Variants in RAD51B observed in about 807,000 individuals in gnomAD.
RAD51B encodes the protein DNA repair protein RAD51 homolog 2.
In RAD51B, 38 loss-of-function variants were observed where a neutral mutation model predicts 42.2. The ratio of observed to expected loss-of-function variants is 0.90; its 90% CI spans 0.70 to 1.18. The LOEUF (loss-of-function observed/expected upper bound fraction) is 1.18, where lower values mean the gene tolerates loss of function less well. Ranked by LOEUF, RAD51B falls within the 50% of genes most tolerant of loss-of-function variation. RAD51B has a pLI of 0.00. For synonymous variants in RAD51B, 154 were observed against 145.2 expected (o/e 1.06, Z -0.43); for missense variants, 373 against 400.7 (o/e 0.93, Z 0.59).
intron 9 of RAD51B, among the ~76,000 whole-genome samples, chr14:68,450,344 G>A (rs929267829): frequency 2.7e-5 from 4 of 150,830 alleles, no homozygotes; most frequent in South Asian, 2.1e-4. Context: ...TCAGCGTCTC[G>A]AGTAGCTGGG....
intron 8 of RAD51B, among the ~76,000 whole-genome samples, chr14:68,389,315 C>T (rs1386406068): frequency 6.6e-6 from 1 of 151,402 alleles, no homozygotes; most frequent in East Asian, 1.9e-4. Flanking sequence ...TAACTAACTA[C>T]TATCTGGACT....
At chr14:68,035,749 G>A (rs568056117) in intron 7 of RAD51B, among the ~76,000 whole-genome samples, 81 of 152,310 alleles carry the variant, frequency 5.3e-4, no homozygotes, top group Non-Finnish European at 8.2e-4. Flanking sequence ...AAAGAGGCCT[G>A]AAGACTATTT....
At chr14:68,587,402 G>A (rs892111673) in intron 10 of RAD51B, among the ~76,000 whole-genome samples, 2 of 152,086 alleles carry the variant, frequency 1.3e-5, no homozygotes, top group Non-Finnish European at 2.9e-5. Flanking sequence ...TTACGAGCTG[G>A]AGAAGATCCC....
At chr14:68,028,232 T>G (rs796361870) in intron 7 of RAD51B, among the ~76,000 whole-genome samples, 23 of 152,324 alleles carry the variant, frequency 1.5e-4, no homozygotes, top group African/African-American at 5.5e-4. Flanking sequence ...CTGTCACCAG[T>G]ACGTTGGGGA....
intron 9 of RAD51B, among the ~76,000 whole-genome samples, chr14:68,441,913 C>T (rs1259741233): frequency 6.6e-6 from 1 of 152,218 alleles, no homozygotes; most frequent in East Asian, 1.9e-4. Context: ...AACCCTAACA[C>T]TCTGCTCAGT....
chr14:68,430,231 G>A (rs2084965758), intron 9 of RAD51B, among the ~76,000 whole-genome samples: 1 of 152,116 alleles, frequency 6.6e-6, no homozygotes, highest in African/African-American at 2.4e-5. Context: ...GGCAATGTGG[G>A]CTCTTTTTTG....
intron 7 of RAD51B, among the ~76,000 whole-genome samples, chr14:67,979,460 C>T (rs2075052082): frequency 6.6e-6 from 1 of 152,128 alleles, no homozygotes; most frequent in African/African-American, 2.4e-5. Flanking sequence ...AGTTTTCTCC[C>T]TGATTTTCCT....
chr14:68,068,960 C>T lies in RAD51B; in HGVS notation c.756+181756C>T, dbSNP rs2076697804. ...GCAAGTCTTTGGTTAATTTCCAGAG[C>T]TCCAGAAGAATTGATTCTGACAATT... is the stretch of plus-strand genomic sequence containing the variant. On this transcript the variant is annotated intron_variant, in intron 7 of 10. Transcript: ENST00000471583. 2.0e-5 allele frequency among the ~76,000 whole-genome samples: 3 copies of T among 151,976 alleles called. No homozygotes were observed. The South Asian group carries it at 6.2e-4, about 32-fold the overall frequency.
intron 5 of RAD51B, among the ~76,000 whole-genome samples, chr14:67,868,021 G>C (rs1183584974): frequency 6.6e-6 from 1 of 152,170 alleles, no homozygotes; most frequent in Non-Finnish European, 1.5e-5. Flanking sequence ...GAAGGAGAGA[G>C]AAATCAAAGG....
At chr14:68,674,841 G>T (rs148584813) in intron 11 of RAD51B, among the ~76,000 whole-genome samples, 22 of 150,160 alleles carry the variant, frequency 1.5e-4, no homozygotes, top group Non-Finnish European at 2.7e-4. Context: ...GCCATGCTAT[G>T]GTTTCCCAGC....
chr14:68,200,885 T>C (rs1485301639), intron 7 of RAD51B, among the ~76,000 whole-genome samples: 5 of 152,134 alleles, frequency 3.3e-5, no homozygotes, highest in Non-Finnish European at 7.4e-5. Flanking sequence ...CTCAAACTCC[T>C]GGACTCGAGC....
chr14:67,898,362 A>G (rs1266746604), intron 7 of RAD51B, among the ~76,000 whole-genome samples: 1 of 152,256 alleles, frequency 6.6e-6, no homozygotes, highest in African/African-American at 2.4e-5. Context: ...CACTTTTACT[A>G]GTATATGGAA....
At chr14:68,311,464 A>T (rs1195006385) in intron 8 of RAD51B, among the ~76,000 whole-genome samples, 2 of 152,220 alleles carry the variant, frequency 1.3e-5, no homozygotes, top group African/African-American at 4.8e-5. Context: ...TTCCTATTGC[A>T]ATCTTTAAGC....
intron 7 of RAD51B, among the ~76,000 whole-genome samples, chr14:68,182,033 A>G (rs987993587): frequency 2.0e-5 from 3 of 152,228 alleles, no homozygotes; most frequent in African/African-American, 4.8e-5. Context: ...CTAGAGCATC[A>G]TGAGGTGTTT....
At chr14:68,265,424 T>C (rs959030743) in intron 7 of RAD51B, among the ~76,000 whole-genome samples, 10 of 152,138 alleles carry the variant, frequency 6.6e-5, no homozygotes, top group Non-Finnish European at 1.2e-4. Flanking sequence ...TTTAAGATGC[T>C]CCCAGACCAG....
intron 9 of RAD51B, chr14:68,422,001 C>T: frequency 6.5e-7 from 1 of 1,526,956 alleles, no homozygotes. Context: ...ACTTCACAGT[C>T]ACCACCCTGA....
chr14:68,296,330 T>A (rs116737924), intron 8 of RAD51B, among the ~76,000 whole-genome samples: 2,201 of 152,290 alleles, frequency 0.014, 47 homozygotes, highest in African/African-American at 0.049. Context: ...CAGTATTTTC[T>A]TCTTCAGATT....
chr14:67,958,207 C>A (rs1055476187), intron 7 of RAD51B, among the ~76,000 whole-genome samples: 4 of 152,140 alleles, frequency 2.6e-5, no homozygotes, highest in African/African-American at 9.7e-5. Flanking sequence ...GTGATAGTAA[C>A]ATGGAGCTCT....
chr14:68,306,271 TC>T (rs1475576663), intron 8 of RAD51B, among the ~76,000 whole-genome samples: 1 of 152,218 alleles, frequency 6.6e-6, no homozygotes, highest in East Asian at 1.9e-4. Flanking sequence ...AGATTGCAAT[TC>T]ACAAGTACTT....
Sources: allele counts gnomAD v4.1 joint callset (sites outside exome capture counted in the v4.1 genomes callset), GRCh38; gene constraint gnomAD v4.1.1; transcripts MANE v1.5; gene names NCBI Gene and HGNC (gene_info 2026-07-23, HGNC 2026-07-21).